Variants in KLHL1 observed in about 807,000 individuals in gnomAD.
The protein encoded by KLHL1 is kelch like family member 1.
KLHL1 carries 47 observed loss-of-function variants against 77.7 expected under a neutral mutation model. That is an observed-to-expected ratio of 0.60 (90% CI 0.48 to 0.77). The LOEUF is 0.77. Among genes scored for constraint, KLHL1 ranks in the 30% least tolerant of loss-of-function variants. The pLI is 0.00. For synonymous variants in KLHL1, 360 were observed against 325.2 expected (o/e 1.11, Z -1.15); for missense variants, 925 against 910.8 (o/e 1.02, Z -0.20).
intron 1 of KLHL1, among the ~76,000 whole-genome samples, chr13:70,004,860 ATTATAT>A (rs1486237603): frequency 2.0e-5 from 3 of 151,488 alleles, no homozygotes; most frequent in Non-Finnish European, 4.4e-5. Context: ...TCCTTTGAAA[ATTATAT>A]TTATAACTAT....
chr13:69,990,078 A>C (rs1339099883), intron 1 of KLHL1, among the ~76,000 whole-genome samples: 1 of 152,008 alleles, frequency 6.6e-6, no homozygotes, highest in African/African-American at 2.4e-5. Context: ...GGCCAAACTA[A>C]GCTTCATAAG....
At chr13:70,105,185 T>C (rs1483091951) in intron 1 of KLHL1, among the ~76,000 whole-genome samples, 3 of 152,016 alleles carry the variant, frequency 2.0e-5, no homozygotes, top group Admixed American at 6.5e-5. Context: ...ATGGGTTAAT[T>C]TAGGAATTCT....
At position 69,701,215 on chromosome 13, in the gene KLHL1, A is replaced by G. The variant is rs1308222836; in HGVS notation, c.*487T>C. On this transcript the variant is annotated 3_prime_UTR_variant, in exon 11 of 11. Coordinates refer to ENST00000377844, the MANE Select transcript of KLHL1 (RefSeq NM_020866.3). ...AAGCAGGTTTGTTTGAATAAAGCATAATTCTGCTTCCCGTTATGACCACAT... is the reference window on the plus strand; with the variant it reads ...AAGCAGGTTTGTTTGAATAAAGCATGATTCTGCTTCCCGTTATGACCACAT... The G allele has an allele frequency of 1.3e-5, 2 of 152,310 alleles. No homozygotes were observed. The highest frequency in any genetic ancestry group is 2.9e-5 in the Non-Finnish European group (2 of 67,966). 9.4% of individuals were successfully genotyped at this position (152,310 alleles called of 1,614,324 possible). A position where few individuals can be genotyped will look rare whatever the true frequency, so the allele number is the denominator to read the frequency against.
intron 7 of KLHL1, among the ~76,000 whole-genome samples, chr13:69,795,996 T>C (rs2138036902): frequency 6.6e-6 from 1 of 152,320 alleles, no homozygotes; most frequent in Admixed American, 6.5e-5. Flanking sequence ...TAACTATTTT[T>C]CCCTCTGGGT....
intron 4 of KLHL1, among the ~76,000 whole-genome samples, chr13:69,895,425 T>C (rs1446801230): frequency 6.6e-6 from 1 of 152,180 alleles, no homozygotes. Flanking sequence ...CCCATCCCAT[T>C]GGCACATTTA....
chr13:69,881,175 C>T (rs1384890765), intron 5 of KLHL1, among the ~76,000 whole-genome samples: 1 of 152,014 alleles, frequency 6.6e-6, no homozygotes, highest in Non-Finnish European at 1.5e-5. Context: ...TTCTCCTGTA[C>T]TAATCTCAGC....
chr13:69,751,398 C>A (rs971637752), intron 7 of KLHL1, among the ~76,000 whole-genome samples: 1 of 151,962 alleles, frequency 6.6e-6, no homozygotes, highest in Non-Finnish European at 1.5e-5. Context: ...CAAATAGGTG[C>A]TACCTTACTA....
chr13:69,788,624 C>A (rs1033733297), intron 7 of KLHL1, among the ~76,000 whole-genome samples: 2 of 151,950 alleles, frequency 1.3e-5, no homozygotes, highest in Non-Finnish European at 2.9e-5. Flanking sequence ...AACAAACCTG[C>A]ACATTGTGTA....
intron 3 of KLHL1, among the ~76,000 whole-genome samples, chr13:69,940,998 A>T (rs1883348860): frequency 6.6e-6 from 1 of 151,974 alleles, no homozygotes; most frequent in South Asian, 2.1e-4. Context: ...TAGATTTACT[A>T]TCTGTACCTA....
At chr13:69,951,827 T>C (rs188808567) in intron 3 of KLHL1, among the ~76,000 whole-genome samples, 1 of 151,592 alleles carries the variant, frequency 6.6e-6, no homozygotes, top group East Asian at 1.9e-4. Context: ...AATCTTCACA[T>C]CTCATAATCC....
At chr13:69,771,825 G>C (rs1214523633) in intron 7 of KLHL1, among the ~76,000 whole-genome samples, 2 of 152,036 alleles carry the variant, frequency 1.3e-5, no homozygotes, top group African/African-American at 4.8e-5. Context: ...TGAAAAAATG[G>C]TCAAATTAGG....
intron 5 of KLHL1, among the ~76,000 whole-genome samples, chr13:69,839,702 G>T (rs945007531): frequency 6.6e-6 from 1 of 151,758 alleles, no homozygotes; most frequent in African/African-American, 2.4e-5. Flanking sequence ...TGTGTATTAG[G>T]CAAAGTAATA....
At chr13:69,962,555 G>A (rs1884097185) in intron 2 of KLHL1, among the ~76,000 whole-genome samples, 1 of 151,848 alleles carries the variant, frequency 6.6e-6, no homozygotes, top group Non-Finnish European at 1.5e-5. Flanking sequence ...CCTTCAGTAT[G>A]ATGCCTGCTG....
At chr13:69,845,701 T>C (rs1412968274) in intron 5 of KLHL1, among the ~76,000 whole-genome samples, 2 of 151,472 alleles carry the variant, frequency 1.3e-5, no homozygotes, top group Non-Finnish European at 3.0e-5. Flanking sequence ...CTTTGGAAAA[T>C]GATGATAAAA....
intron 1 of KLHL1, among the ~76,000 whole-genome samples, chr13:70,078,787 T>G (rs2137427451): frequency 6.6e-6 from 1 of 152,288 alleles, no homozygotes; most frequent in South Asian, 2.1e-4. Flanking sequence ...CAAATGGAAT[T>G]ATTTCACCAA....
chr13:69,724,223 T>A (rs1040134299), intron 8 of KLHL1, among the ~76,000 whole-genome samples: 1 of 152,048 alleles, frequency 6.6e-6, no homozygotes, highest in Non-Finnish European at 1.5e-5. Context: ...TGAACCAATG[T>A]AAATTTTGCA....
chr13:69,824,472 A>G (rs977639378), intron 6 of KLHL1, among the ~76,000 whole-genome samples: 2 of 152,124 alleles, frequency 1.3e-5, no homozygotes, highest in Non-Finnish European at 2.9e-5. Context: ...ATACTTCTAC[A>G]TGACTGTTTA....
rs56940937 is a variant in KLHL1 at position 70,108,258 on chromosome 13, G to A, written c.-559C>T. 8,908 of 383,128 alleles carry A rather than the reference G, an allele frequency of 0.023. 429 individuals are homozygous for A. Among genetic ancestry groups the A allele is most frequent in the African/African-American group, 0.13 (6,233 of 48,370 alleles). The allele number at this position is 383,128 out of a possible 1,614,324, so 23.7% of individuals were successfully genotyped here. A position where few individuals can be genotyped will look rare whatever the true frequency, so the allele number is the denominator to read the frequency against. On this transcript the variant is annotated 5_prime_UTR_variant, in exon 1 of 11. Coordinates refer to ENST00000377844, the MANE Select transcript of KLHL1 (RefSeq NM_020866.3). ...TCGCCAGATCTCTTGGTGCACCTGC[G>A]CCCCTGTCCCTGGCCTTTTCGAGGA...
intron 7 of KLHL1, among the ~76,000 whole-genome samples, chr13:69,770,107 A>T (rs1034295369): frequency 1.3e-5 from 2 of 152,144 alleles, no homozygotes; most frequent in Non-Finnish European, 2.9e-5. Flanking sequence ...TCCTCAGGAG[A>T]GAGCTATAAC....
Sources: allele counts gnomAD v4.1 joint callset (sites outside exome capture counted in the v4.1 genomes callset), GRCh38; gene constraint gnomAD v4.1.1; transcripts MANE v1.5; gene names NCBI Gene and HGNC (gene_info 2026-07-23, HGNC 2026-07-21).